The following SETDB2 variants were observed in gnomAD, a reference collection of about 807,000 sequenced individuals.
The protein encoded by SETDB2 is histone-lysine N-methyltransferase SETDB2.
Under a neutral mutation model 82.5 loss-of-function variants are expected in SETDB2, and 56 were observed. The observed-to-expected ratio is 0.68, with a 90% CI of 0.55 to 0.85. The LOEUF (loss-of-function observed/expected upper bound fraction) is 0.85, where lower values mean the gene tolerates loss of function less well. Ranked by LOEUF, SETDB2 falls within the 40% of genes least tolerant of loss-of-function variation. SETDB2 has a pLI of 0.00. For missense variants in SETDB2, 677 were observed against 816.4 expected (o/e 0.83, Z 2.08); for synonymous variants, 272 against 284.9 (o/e 0.95, Z 0.46).
chr13:49,465,084 A>AAG (rs1382353473), intron 4 of SETDB2, among the ~76,000 whole-genome samples: 5 of 151,932 alleles, frequency 3.3e-5, no homozygotes, highest in Non-Finnish European at 7.4e-5. Context: ...AAAAAAAAAA[A>AAG]AAGTTTCACG....
At chr13:49,463,421 C>T (rs1958037585) in intron 4 of SETDB2, among the ~76,000 whole-genome samples, 1 of 152,196 alleles carries the variant, frequency 6.6e-6, no homozygotes, top group Non-Finnish European at 1.5e-5. Flanking sequence ...GCAGACTTAA[C>T]ATCCAAAAAC....
chr13:49,480,975 T>A lies in SETDB2; in HGVS notation c.1015T>A (p.Cys339Ser). 6.2e-7 allele frequency: 1 copy of A among 1,614,158 alleles called. No individual in the cohort carries two copies. Among genetic ancestry groups the A allele is most frequent in the Non-Finnish European group, 8.5e-7 (1 of 1,179,980 alleles). Residue 339 changes from cysteine to serine, a missense_variant, in exon 8 of 14, where the codon TGT (cysteine) becomes AGT (serine). This residue lies in a region of SETDB2 where 420 missense variants were observed against 554.6 expected (regional missense o/e 0.76). Transcript: ENST00000611815. Reference sequence around the variant, plus strand: ...TTATGAATGCAGCCTTTTGTGCAAATGTAATCGACAATTGTGTCAAAACCG... The same window carrying A: ...TTATGAATGCAGCCTTTTGTGCAAAAGTAATCGACAATTGTGTCAAAACCG... ...GIYECSLLCKCNRQLCQNRVV... is the reference protein window; with the variant it reads ...GIYECSLLCKSNRQLCQNRVV...
intron 1 of SETDB2, among the ~76,000 whole-genome samples, chr13:49,446,844 T>C (rs888284486): frequency 6.6e-5 from 10 of 152,184 alleles, no homozygotes; most frequent in African/African-American, 1.4e-4. Flanking sequence ...AATCTTTGTG[T>C]TTTCTTGTGC....
chr13:49,471,459 T>C (rs1310951992), intron 5 of SETDB2, among the ~76,000 whole-genome samples: 29 of 151,642 alleles, frequency 1.9e-4, no homozygotes, highest in Admixed American at 1.9e-3. Flanking sequence ...AACTTTGGTT[T>C]GTCAGGAGTA....
chr13:49,473,025 A>G (rs1958281226), intron 5 of SETDB2, among the ~76,000 whole-genome samples: 1 of 152,194 alleles, frequency 6.6e-6, no homozygotes, highest in Non-Finnish European at 1.5e-5. Context: ...TTGTTCCAGT[A>G]GTGGCTAACT....
Position 49,491,785 on chromosome 13 carries a change from CTG to C in SETDB2, c.2063_2064del (p.Val688AlafsTer2). 2.5e-6 allele frequency: 4 copies of C among 1,613,272 alleles called. No homozygotes were observed. Among genetic ancestry groups the C allele is most frequent in the Non-Finnish European group, 3.4e-6 (4 of 1,179,828 alleles). ...TGGGATTATGGCTATGAAGCTGGGA[CTG>C]TGCCTGAGAAGGAAATCTTCTGCCA... is the stretch of plus-strand genomic sequence containing the variant. On this transcript the variant is annotated frameshift_variant, in exon 14 of 14. Transcript: ENST00000611815. LOFTEE classifies it high-confidence loss of function.
rs7337167 is a variant in SETDB2 at position 49,455,789 on chromosome 13, A to C, written c.16+3880A>C. 9.1e-4 allele frequency among the ~76,000 whole-genome samples: 126 copies of C among 138,238 alleles called. 1 individual carries two copies. Among genetic ancestry groups the C allele is most frequent in the Middle Eastern group, 3.7e-3 (1 of 270 alleles). The allele number at this position is 138,238 out of a possible 152,430, so 90.7% of individuals were successfully genotyped here. Reference sequence around the variant, plus strand: ...TGGTTTTCATTTAAAAAAAAACAAAAAAAAACTAGATAGTTTAGTTTACAA... The same window carrying C: ...TGGTTTTCATTTAAAAAAAAACAAACAAAAACTAGATAGTTTAGTTTACAA... On this transcript the variant is annotated intron_variant, in intron 2 of 13. Transcript: ENST00000611815.
chr13:49,455,775 T>TA (rs543145116), intron 2 of SETDB2, among the ~76,000 whole-genome samples: 2,850 of 149,188 alleles, frequency 0.019, 82 homozygotes, highest in African/African-American at 0.065. Context: ...GGTTTTCATT[T>TA]AAAAAAAAAC....
chr13:49,446,155 T>G (rs1026383775), intron 1 of SETDB2, among the ~76,000 whole-genome samples: 1 of 152,160 alleles, frequency 6.6e-6, no homozygotes, highest in Non-Finnish European at 1.5e-5. Context: ...TATAAAAAGC[T>G]TTAAAATGAA....
Position 49,482,744 on chromosome 13 carries a change from A to C in SETDB2, c.1164A>C (p.Leu388Phe). Residue 388 changes from leucine (L) to phenylalanine (F), a missense_variant, in exon 9 of 14, where the codon TTA becomes TTC. Coordinates refer to ENST00000611815, the MANE Select transcript of SETDB2 (RefSeq NM_001160308.3). ...TTAACATTTTCCTTTTAGGAAGATT[A>C]CTAAGCAGAGCTAACACTGAAAAAT... ...GTFVCIYSGR[L>F]LSRANTEKSY... The C allele has an allele frequency of 6.2e-7, 1 of 1,604,784 alleles. No individual in the cohort carries two copies. Among genetic ancestry groups the C allele is most frequent in the Non-Finnish European group, 8.5e-7 (1 of 1,173,268 alleles).
intron 1 of SETDB2, among the ~76,000 whole-genome samples, chr13:49,450,739 G>A (rs1284009272): frequency 6.6e-6 from 1 of 151,942 alleles, no homozygotes; most frequent in African/African-American, 2.4e-5. Context: ...TGTGGAAGTG[G>A]CAGAAGAATT....
chr13:49,465,381 G>A (rs943483263), intron 4 of SETDB2, among the ~76,000 whole-genome samples: 1 of 152,030 alleles, frequency 6.6e-6, no homozygotes, highest in Non-Finnish European at 1.5e-5. Flanking sequence ...AACTATGCTT[G>A]ATATACATTT....
At chr13:49,471,914 A>ATG (rs1594158343) in intron 5 of SETDB2, among the ~76,000 whole-genome samples, 1 of 66,010 alleles carries the variant, frequency 1.5e-5, no homozygotes, top group East Asian at 8.0e-4. Flanking sequence ...CTCATGTGAC[A>ATG]TATATATATA....
chr13:49,488,196 A>T, intron 11 of SETDB2, 94 bp from the exon 12 acceptor site: 1 of 1,475,610 alleles, frequency 6.8e-7, no homozygotes, highest in Non-Finnish European at 8.9e-7. Flanking sequence ...AGGATCGATA[A>T]TTAAAGCACC....
At chr13:49,482,022 C>T in intron 8 of SETDB2, 1 of 981,994 alleles carries the variant, frequency 1.0e-6, no homozygotes, top group Non-Finnish European at 1.2e-6. Context: ...TGCCACTCCC[C>T]ATTTACAGAT....
intron 5 of SETDB2, among the ~76,000 whole-genome samples, chr13:49,469,142 C>G (rs865824300): frequency 2.0e-5 from 3 of 151,970 alleles, no homozygotes; most frequent in Non-Finnish European, 4.4e-5. Context: ...TATTTTTTGT[C>G]CCTTTTAGCT....
intron 3 of SETDB2, 130 bp downstream of exon 3, chr13:49,460,362 C>A: frequency 1.0e-6 from 1 of 962,050 alleles, no homozygotes; most frequent in South Asian, 2.2e-5. Flanking sequence ...ATAATACCTA[C>A]TGAATTTCTT....
intron 1 of SETDB2, chr13:49,445,936 C>CAAAA (rs34496594): frequency 0.16 from 20,486 of 130,244 alleles, 1,889 homozygotes; most frequent in Non-Finnish European, 0.19. Flanking sequence ...GACTCCGTCT[C>CAAAA]AAAAAAAAAA....
chr13:49,458,751 G>C (rs1305418749), intron 2 of SETDB2, among the ~76,000 whole-genome samples: 1 of 152,196 alleles, frequency 6.6e-6, no homozygotes, highest in Non-Finnish European at 1.5e-5. Flanking sequence ...TTTGCCACCT[G>C]TCCCTCTACC....
Sources: allele counts gnomAD v4.1 joint callset (sites outside exome capture counted in the v4.1 genomes callset), GRCh38; gene constraint gnomAD v4.1.1; regional missense constraint gnomAD v4.1.1; transcripts MANE v1.5; gene names NCBI Gene and HGNC (gene_info 2026-07-23, HGNC 2026-07-21).